GPHN: variants seen among roughly 807,000 people sequenced by gnomAD.
GPHN encodes gephyrin.
In GPHN, 17 loss-of-function variants were observed where a neutral mutation model predicts 95.5. The observed-to-expected ratio is 0.18, with a 90% CI of 0.12 to 0.27. The LOEUF (loss-of-function observed/expected upper bound fraction) is 0.27, where lower values mean the gene tolerates loss of function less well. Ranked by LOEUF, GPHN falls within the 10% of genes least tolerant of loss-of-function variation. The probability of loss-of-function intolerance (pLI) is 1.00; values close to 1 mark genes in which losing one functional copy is unlikely to be tolerated. For missense variants in GPHN, 660 were observed against 978.1 expected, an observed-to-expected ratio of 0.67 and a Z score of 4.34; for synonymous variants, 320 against 322.5, an observed-to-expected ratio of 0.99 and a Z score of 0.08.
At chr14:67,157,819 C>G (rs1313908800) in intron 18 of GPHN, among the ~76,000 whole-genome samples, 1 of 148,946 alleles carries the variant, frequency 6.7e-6, no homozygotes, top group Non-Finnish European at 1.5e-5. Flanking sequence ...CAGAGAGAGA[C>G]CCCGTCTCAA....
At chr14:67,284,273 A>G in the GPHN span, among the ~76,000 whole-genome samples, 1 of 151,786 alleles carries the variant, frequency 6.6e-6, no homozygotes, top group Non-Finnish European at 1.5e-5. Flanking sequence ...TGTCTTTTAA[A>G]CTGTAGAATT....
intron 21 of GPHN, among the ~76,000 whole-genome samples, chr14:67,169,357 T>C (rs547343770): frequency 2.6e-5 from 4 of 152,178 alleles, no homozygotes; most frequent in Non-Finnish European, 4.4e-5. Flanking sequence ...ACTAGACCTG[T>C]CTGGAACAAG....
the GPHN span, among the ~76,000 whole-genome samples, chr14:67,423,586 G>C: frequency 2.0e-5 from 3 of 152,144 alleles, no homozygotes; most frequent in African/African-American, 7.2e-5. Flanking sequence ...GCATAGGAAA[G>C]GGGAAGTGGT....
At chr14:67,697,193 A>C in the GPHN span, among the ~76,000 whole-genome samples, 1 of 152,214 alleles carries the variant, frequency 6.6e-6, no homozygotes, top group South Asian at 2.1e-4. Context: ...GTCAGAGAAG[A>C]CCTTAAATAA....
At chr14:66,726,629 CAT>C (rs1181061924) in intron 2 of GPHN, among the ~76,000 whole-genome samples, 1 of 152,154 alleles carries the variant, frequency 6.6e-6, no homozygotes, top group Non-Finnish European at 1.5e-5. Context: ...CATATTGCCT[CAT>C]ATGTATTCAA....
chr14:66,635,795 A>G (rs1382587004), intron 1 of GPHN, among the ~76,000 whole-genome samples: 1 of 152,188 alleles, frequency 6.6e-6, no homozygotes, highest in African/African-American at 2.4e-5. Context: ...GAAACACTCA[A>G]AGAAAAAATT....
intron 1 of GPHN, among the ~76,000 whole-genome samples, chr14:66,563,715 G>GA (rs2060354538): frequency 6.6e-6 from 1 of 152,138 alleles, no homozygotes; most frequent in Admixed American, 6.5e-5. Flanking sequence ...TCTTTGTGTA[G>GA]AAAAAACTGC....
the GPHN span, among the ~76,000 whole-genome samples, chr14:67,213,380 G>T: frequency 2.3e-5 from 3 of 129,518 alleles, no homozygotes; most frequent in Admixed American, 9.5e-5. Context: ...TGTTCTCATT[G>T]TTCAATTCCC....
chr14:66,928,600 A>T (rs969203828), intron 8 of GPHN, among the ~76,000 whole-genome samples: 1 of 151,788 alleles, frequency 6.6e-6, no homozygotes, highest in Non-Finnish European at 1.5e-5. Flanking sequence ...GTTCTTTATC[A>T]TGTGTCATTA....
chr14:67,555,964 G>A, the GPHN span: 1 of 1,560,608 alleles, frequency 6.4e-7, no homozygotes, highest in African/African-American at 1.4e-5. Context: ...CACGGACACA[G>A]GTGGACACAT....
At chr14:67,638,851 A>C in the GPHN span, among the ~76,000 whole-genome samples, 1 of 152,204 alleles carries the variant, frequency 6.6e-6, no homozygotes, top group South Asian at 2.1e-4. Flanking sequence ...CCCGTGCATA[A>C]TTATGTTAAG....
At chr14:66,933,491 C>T (rs1237216420) in intron 8 of GPHN, among the ~76,000 whole-genome samples, 1 of 152,126 alleles carries the variant, frequency 6.6e-6, no homozygotes, top group Non-Finnish European at 1.5e-5. Context: ...AGAAAAATTA[C>T]AATTTCCCTC....
chr14:67,115,392 T>C (rs551594098), intron 16 of GPHN, among the ~76,000 whole-genome samples: 1 of 152,322 alleles, frequency 6.6e-6, no homozygotes, highest in African/African-American at 2.4e-5. Flanking sequence ...ATTTACCCAG[T>C]CACAGTACAA....
intron 1 of GPHN, among the ~76,000 whole-genome samples, chr14:66,588,230 C>G (rs1310474188): frequency 6.6e-6 from 1 of 151,966 alleles, no homozygotes. Flanking sequence ...AGACCCCATC[C>G]TAAGGTCACC....
intron 2 of GPHN, among the ~76,000 whole-genome samples, chr14:66,689,731 G>A (rs1381730125): frequency 6.6e-6 from 1 of 152,006 alleles, no homozygotes; most frequent in Non-Finnish European, 1.5e-5. Context: ...TTGGTTTGTT[G>A]GGGTTTTTCA....
intron 9 of GPHN, among the ~76,000 whole-genome samples, chr14:67,016,580 A>T (rs2073325995): frequency 6.6e-6 from 1 of 152,108 alleles, no homozygotes; most frequent in Non-Finnish European, 1.5e-5. Flanking sequence ...TCTTTTACCC[A>T]CAAGATTCTC....
the GPHN span, chr14:67,588,600 G>T: frequency 6.6e-6 from 1 of 152,078 alleles, no homozygotes; most frequent in Non-Finnish European, 1.5e-5. Flanking sequence ...ACAGGTTGTA[G>T]ACACACCCTC....
At chr14:67,118,871 T>C (rs1194252377) in intron 16 of GPHN, among the ~76,000 whole-genome samples, 2 of 152,150 alleles carry the variant, frequency 1.3e-5, no homozygotes, top group African/African-American at 4.8e-5. Flanking sequence ...GGCTAAAAAA[T>C]ATTTGTTATG....
At chr14:67,698,323 AG>A in the GPHN span, among the ~76,000 whole-genome samples, 1 of 152,236 alleles carries the variant, frequency 6.6e-6, no homozygotes, top group Non-Finnish European at 1.5e-5. Flanking sequence ...AAAATTAGCT[AG>A]GCATGGTGGT....
Sources: allele counts gnomAD v4.1 joint callset (sites outside exome capture counted in the v4.1 genomes callset), GRCh38; gene constraint gnomAD v4.1.1; transcripts MANE v1.5; gene names NCBI Gene and HGNC (gene_info 2026-07-23, HGNC 2026-07-21).